Variants in PTAFR observed in about 807,000 individuals in gnomAD.
PTAFR encodes platelet-activating factor receptor.
PTAFR carries 8 observed loss-of-function variants against 14.7 expected under a neutral mutation model. The ratio of observed to expected loss-of-function variants is 0.54; its 90% CI spans 0.32 to 0.98. The LOEUF (loss-of-function observed/expected upper bound fraction) is 0.98, where lower values mean the gene tolerates loss of function less well. Ranked by LOEUF, PTAFR falls within the 50% of genes least tolerant of loss-of-function variation. PTAFR has a pLI of 0.04. For synonymous variants in PTAFR, 156 were observed against 176.5 expected, an observed-to-expected ratio of 0.88 and a Z score of 0.92; for missense variants, 337 against 451.2, an observed-to-expected ratio of 0.75 and a Z score of 2.29.
chr1:28,155,720 T>G lies in PTAFR; in HGVS notation c.-38-4661A>C, dbSNP rs1368400331. Among the ~76,000 whole-genome samples, 4 of 150,876 alleles carry G rather than the reference T, an allele frequency of 2.7e-5. 1 individual carries two copies. The South Asian group carries it at 8.4e-4, about 32-fold the overall frequency. On this transcript the variant is annotated intron_variant, in intron 1 of 1. Coordinates refer to ENST00000373857, the MANE Select transcript of PTAFR (RefSeq NM_000952.5). ...TCTCTACAAAAGAAAAAATTTAAAT[T>G]AGCAAGGCATGGTGGTGCACTCCTG...
At chr1:28,193,132 G>A (rs1283700521) in intron 1 of PTAFR, among the ~76,000 whole-genome samples, 3 of 152,128 alleles carry the variant, frequency 2.0e-5, no homozygotes, top group Admixed American at 1.3e-4. Flanking sequence ...TCTAGGGGAA[G>A]GGGAGTTCTG....
chr1:28,147,269 G>A lies in PTAFR; in HGVS notation c.*2724C>T, dbSNP rs750986432. On this transcript the variant is annotated 3_prime_UTR_variant, in exon 2 of 2. Coordinates refer to ENST00000373857, the MANE Select transcript of PTAFR (RefSeq NM_000952.5). Reference sequence around the variant, plus strand: ...TGAATGACTGAAATTCAGGAGACGCGGGGAGTTAGCACAGAAGCACTTTCC... The same window carrying A: ...TGAATGACTGAAATTCAGGAGACGCAGGGAGTTAGCACAGAAGCACTTTCC... 1.3e-5 allele frequency: 2 copies of A among 152,006 alleles called. No individual in the cohort carries two copies. The highest frequency in any genetic ancestry group is 2.1e-4 in the South Asian group (1 of 4,814). 9.4% of individuals were successfully genotyped at this position (152,006 alleles called of 1,614,324 possible).
chr1:28,155,393 T>C (rs1180532195), intron 1 of PTAFR, among the ~76,000 whole-genome samples: 1 of 152,168 alleles, frequency 6.6e-6, no homozygotes, highest in Non-Finnish European at 1.5e-5. Flanking sequence ...GTATTTTTAG[T>C]AGAGACGGCG....
Position 28,151,051 on chromosome 1 carries a change from TG to T in PTAFR, c.-31del. 1 of 1,520,618 alleles carries T rather than the reference TG, an allele frequency of 6.6e-7. No individual in the cohort carries two copies. The highest frequency in any genetic ancestry group is 8.9e-7 in the Non-Finnish European group (1 of 1,128,626). 94.2% of individuals were successfully genotyped at this position (1,520,618 alleles called of 1,614,324 possible). On this transcript the variant is annotated 5_prime_UTR_variant, in exon 2 of 2. Transcript: ENST00000373857. ...GTGGGCTGGAATGATCAGCTGGTCC[TG>T]GTGGTGCCTGGAAGACCACACAAAA...
chr1:28,163,396 A>C (rs1223283013), intron 1 of PTAFR, among the ~76,000 whole-genome samples: 1 of 152,152 alleles, frequency 6.6e-6, no homozygotes, highest in African/African-American at 2.4e-5. Flanking sequence ...GGCACCGAGG[A>C]ATGAATGGAT....
At chr1:28,192,637 G>GT (rs372014225) in intron 1 of PTAFR, among the ~76,000 whole-genome samples, 2,589 of 147,004 alleles carry the variant, frequency 0.018, 49 homozygotes, top group African/African-American at 0.047. Flanking sequence ...TAAATGCTGG[G>GT]TTTTTTTTTT....
chr1:28,165,674 T>A (rs971961671), intron 1 of PTAFR, among the ~76,000 whole-genome samples: 9 of 151,428 alleles, frequency 5.9e-5, no homozygotes, highest in Non-Finnish European at 8.8e-5. Flanking sequence ...TCCCAGCTAC[T>A]CGGGAGGCTG....
chr1:28,161,854 G>A (rs1572034846), intron 1 of PTAFR, among the ~76,000 whole-genome samples: 1 of 152,134 alleles, frequency 6.6e-6, no homozygotes, highest in East Asian at 1.9e-4. Context: ...TATAAAATCT[G>A]TGTCTACCCC....
chr1:28,161,466 A>C (rs1384936254), intron 1 of PTAFR, among the ~76,000 whole-genome samples: 2 of 152,336 alleles, frequency 1.3e-5, no homozygotes, highest in African/African-American at 4.8e-5. Context: ...TAATGAAGGA[A>C]ATAAAAATAG....
Position 28,149,832 on chromosome 1 carries a change from C to T in PTAFR, c.*161G>A. 3 of 940,918 alleles carry T rather than the reference C, an allele frequency of 3.2e-6. No individual in the cohort carries two copies. Among genetic ancestry groups the T allele is most frequent in the Non-Finnish European group, 4.7e-6 (3 of 643,512 alleles). The allele number at this position is 940,918 out of a possible 1,614,324, so 58.3% of individuals were successfully genotyped here. ...TTTGAGTTCTGGATTTTCCAACAGCCTGGCTCTGCCATCATCCCTGCCCAG... is the reference window on the plus strand; with the variant it reads ...TTTGAGTTCTGGATTTTCCAACAGCTTGGCTCTGCCATCATCCCTGCCCAG... On this transcript the variant is annotated 3_prime_UTR_variant, in exon 2 of 2. Transcript: ENST00000373857.
chr1:28,151,183 C>CTTTT, intron 1 of PTAFR, 124 bp from the exon 2 acceptor site: 1 of 491,298 alleles, frequency 2.0e-6, no homozygotes, highest in Non-Finnish European at 3.5e-6. Flanking sequence ...CATGTTGAAT[C>CTTTT]TTTTTTTTTT....
chr1:28,173,844 AAC>A (rs1317506421), intron 1 of PTAFR, among the ~76,000 whole-genome samples: 1 of 151,838 alleles, frequency 6.6e-6, no homozygotes, highest in Non-Finnish European at 1.5e-5. Flanking sequence ...CTCACACACA[AAC>A]ACACAAACAA....
chr1:28,151,107 C>G, intron 1 of PTAFR, 48 bp from the exon 2 acceptor site: 1 of 1,088,686 alleles, frequency 9.2e-7, no homozygotes. Flanking sequence ...CAAGAAGGGA[C>G]TGTTCCATTT....
At chr1:28,178,685 C>T (rs1002893305), upstream of PTAFR, among the ~76,000 whole-genome samples, 3 of 151,914 alleles carry the variant, frequency 2.0e-5, no homozygotes, top group African/African-American at 7.3e-5. Flanking sequence ...AACACTTGCA[C>T]ACTCGCATAC....
At chr1:28,172,156 C>T (rs921986694) in intron 1 of PTAFR, among the ~76,000 whole-genome samples, 7 of 152,206 alleles carry the variant, frequency 4.6e-5, no homozygotes, top group African/African-American at 1.7e-4. Flanking sequence ...GCTGGGATTA[C>T]AAGCGCATGC....
At chr1:28,154,576 C>T (rs1020381406) in intron 1 of PTAFR, among the ~76,000 whole-genome samples, 3 of 152,028 alleles carry the variant, frequency 2.0e-5, no homozygotes, top group East Asian at 1.9e-4. Flanking sequence ...CTTTGGGATG[C>T]CAAGGTGGGT....
chr1:28,158,644 G>T (rs1646292887), intron 1 of PTAFR, among the ~76,000 whole-genome samples: 1 of 152,108 alleles, frequency 6.6e-6, no homozygotes, highest in Non-Finnish European at 1.5e-5. Flanking sequence ...GTTGCAGTGA[G>T]CTAAGATCAT....
At position 28,168,164 on chromosome 1, in the gene PTAFR, G is replaced by C. The variant is rs1211987760; in HGVS notation, c.-39+8428C>G. On this transcript the variant is annotated intron_variant, in intron 1 of 1. Coordinates refer to ENST00000373857, the MANE Select transcript of PTAFR (RefSeq NM_000952.5). The stretch of plus-strand genomic sequence containing the variant: ...TTTTTTGTATTTTTAGTAGAGAAGG[G>C]GTTTCACCGTGTTAGCCAGGATGGT... 4.1e-5 allele frequency among the ~76,000 whole-genome samples: 6 copies of C among 147,542 alleles called. No individual in the cohort carries two copies. The East Asian group carries it at 1.2e-3, about 29-fold the overall frequency.
At chr1:28,155,810 G>A (rs945259785) in intron 1 of PTAFR, among the ~76,000 whole-genome samples, 17 of 152,180 alleles carry the variant, frequency 1.1e-4, no homozygotes, top group South Asian at 2.1e-4. Flanking sequence ...CAAGGCTGCA[G>A]AGAGCTGTGA....
Sources: allele counts gnomAD v4.1 joint callset (sites outside exome capture counted in the v4.1 genomes callset), GRCh38; gene constraint gnomAD v4.1.1; transcripts MANE v1.5; gene names NCBI Gene and HGNC (gene_info 2026-07-23, HGNC 2026-07-21).